The following INAVA variants were observed in gnomAD, a reference collection of about 807,000 sequenced individuals.
INAVA encodes innate immunity activator protein.
In INAVA, 32 loss-of-function variants were observed where a neutral mutation model predicts 55.3. The ratio of observed to expected loss-of-function variants is 0.58; its 90% CI spans 0.44 to 0.78. The LOEUF (loss-of-function observed/expected upper bound fraction) is 0.78, where lower values mean the gene tolerates loss of function less well. Ranked by LOEUF, INAVA falls within the 30% of genes least tolerant of loss-of-function variation. INAVA has a pLI of 0.00. For synonymous variants in INAVA, 294 were observed against 329.4 expected, an observed-to-expected ratio of 0.89 and a Z score of 1.16; for missense variants, 756 against 786.4, an observed-to-expected ratio of 0.96 and a Z score of 0.46.
chr1:200,909,900 T>G (rs547655076), intron 8 of INAVA, among the ~76,000 whole-genome samples: 19 of 152,182 alleles, frequency 1.2e-4, no homozygotes, highest in Non-Finnish European at 2.4e-4. Context: ...TAACCTTATG[T>G]TATGTGAGTT....
chr1:200,902,871 T>C (rs1010034157), intron 5 of INAVA: 3 of 152,194 alleles, frequency 2.0e-5, no homozygotes, highest in Non-Finnish European at 4.4e-5. Context: ...ATGCTTCTTG[T>C]TGGGAGTCGG....
At chr1:200,911,400 C>T (rs1234523593) in intron 8 of INAVA, 53 bp from the exon 9 acceptor site, 16 of 1,511,050 alleles carry the variant, frequency 1.1e-5, no homozygotes, top group Non-Finnish European at 9.1e-6. Context: ...GCCCCAACCC[C>T]AGTGTGGAGT....
intron 1 of INAVA, among the ~76,000 whole-genome samples, chr1:200,895,427 C>G (rs947021674): frequency 6.6e-6 from 1 of 152,084 alleles, no homozygotes; most frequent in Admixed American, 6.5e-5. Context: ...CCCTCTGTGC[C>G]CCTTCTGGTC....
At chr1:200,892,277 C>A (rs1478446546), upstream of INAVA, among the ~76,000 whole-genome samples, 1 of 152,108 alleles carries the variant, frequency 6.6e-6, no homozygotes, top group African/African-American at 2.4e-5. Context: ...TTCCTTAATT[C>A]TTGAAGTAAG....
Position 200,908,831 on chromosome 1 carries a change from GCT to G in INAVA, c.677_678del (p.Ala226GlyfsTer23). 1 of 1,614,014 alleles carries G rather than the reference GCT, an allele frequency of 6.2e-7. No homozygotes were observed. The highest frequency in any genetic ancestry group is 2.2e-5 in the East Asian group (1 of 44,870). On this transcript the variant is annotated frameshift_variant, in exon 7 of 10. Transcript: ENST00000413687. LOFTEE classifies it high-confidence loss of function. ...GGGTCTGCAGCCAACAGGACCTGAGGCTGGGAGCCCAGAACGGGCTCCAGTCC... is the reference window on the plus strand; with the variant it reads ...GGGTCTGCAGCCAACAGGACCTGAGGGGGAGCCCAGAACGGGCTCCAGTCC... The part of the protein sequence containing the change: ...LEGLQPTGPE[A>X]GSPERAPVQN...
chr1:200,893,614 T>C (rs1042253136), upstream of INAVA, among the ~76,000 whole-genome samples: 1 of 152,084 alleles, frequency 6.6e-6, no homozygotes, highest in Non-Finnish European at 1.5e-5. Context: ...GAGGAAGAAC[T>C]GTCCCCTCTT....
At chr1:200,911,416 C>A in intron 8 of INAVA, 37 bp from the exon 9 acceptor site, 3 of 1,560,764 alleles carry the variant, frequency 1.9e-6, no homozygotes, top group Non-Finnish European at 1.8e-6. Flanking sequence ...GGAGTTTCTG[C>A]CCCCCACACT....
intron 1 of INAVA, among the ~76,000 whole-genome samples, chr1:200,895,329 G>A (rs1339314741): frequency 1.3e-5 from 2 of 152,060 alleles, no homozygotes; most frequent in Non-Finnish European, 2.9e-5. Flanking sequence ...AGGCAGGCCT[G>A]AGACCTGGCT....
chr1:200,911,619 G>A lies in INAVA; in HGVS notation c.1126G>A (p.Val376Ile). ...CTGCTCAGAAGACAGTGGCTCTGAC[G>A]TCTCCAGCATCTCCCACCCCACTTC... ...HSCSEDSGSD[V>I]SSISHPTSPG... Residue 376 changes from valine to isoleucine, a missense_variant, in exon 9 of 10, where the codon GTC (valine) becomes ATC (isoleucine). By Grantham distance (29) the Val-to-Ile change is conservative (BLOSUM62 3). Transcript: ENST00000413687. 1.9e-6 allele frequency: 3 copies of A among 1,613,976 alleles called. No individual in the cohort carries two copies. The highest frequency in any genetic ancestry group is 2.2e-5 in the South Asian group (2 of 91,074).
At chr1:200,897,015 C>G (rs1668367654) in intron 1 of INAVA, among the ~76,000 whole-genome samples, 3 of 152,258 alleles carry the variant, frequency 2.0e-5, no homozygotes, top group African/African-American at 7.2e-5. Flanking sequence ...CCTCCCACCC[C>G]TGCTGCAGCC....
rs201920390 is a variant in INAVA, at chr1:200,909,226, G to T, written c.788G>T (p.Ser263Ile). ...ACCTGTCTCTAATCCTTTTGCAGCA[G>T]CCCAGCCACCACACCACAGGATGGG... is the stretch of plus-strand genomic sequence containing the variant. The part of the protein sequence containing the change: ...KSSEPWSESS[S>I]PATTPQDGPS... The change falls in exon 8 of 10, where the codon AGC becomes ATC. Residue 263 changes from serine (S) to isoleucine (I), a missense_variant and splice_region_variant. By Grantham distance (142) the Ser-to-Ile change is moderately radical (BLOSUM62 -2). Coordinates refer to ENST00000413687, the MANE Select transcript of INAVA (RefSeq NM_001142569.3). 8.0e-6 allele frequency: 12 copies of T among 1,508,106 alleles called. No individual in the cohort carries two copies. In the Admixed American group the frequency reaches 2.6e-4, roughly 33 times the overall value. 93.4% of individuals were successfully genotyped at this position (1,508,106 alleles called of 1,614,324 possible).
rs374168859 is a variant in INAVA at position 200,898,268 on chromosome 1, A to G, written c.-94-39A>G. 41 of 1,597,480 alleles carry G rather than the reference A, an allele frequency of 2.6e-5. 1 individual carries two copies. The highest frequency in any genetic ancestry group is 1.5e-4 in the South Asian group (13 of 88,612). ...GCTTTTTGTAACCAAGATGGTTCAT[A>G]TCTAGCTTTTTTGTTATTGTTCTCT... On this transcript the variant is annotated intron_variant, in intron 1 of 9. Transcript: ENST00000413687.
chr1:200,898,492 A>AGTCCCTG (rs748309686), intron 2 of INAVA, 37 bp downstream of exon 2: 13 of 1,607,892 alleles, frequency 8.1e-6, no homozygotes, highest in East Asian at 2.2e-5. Context: ...CCTAGTCCCT[A>AGTCCCTG]GTCCCTGGTC....
In INAVA at chr1:200,907,747, GC is replaced by G; in HGVS notation, c.521-85del. 2.8e-6 allele frequency: 3 copies of G among 1,059,614 alleles called. No homozygotes were observed. The Admixed American group carries it at 5.4e-5, about 19-fold the overall frequency. 65.6% of individuals were successfully genotyped at this position (1,059,614 alleles called of 1,614,324 possible). A position where few individuals can be genotyped will look rare whatever the true frequency, so the allele number is the denominator to read the frequency against. On this transcript the variant is annotated intron_variant, in intron 5 of 9. Coordinates refer to ENST00000413687, the MANE Select transcript of INAVA (RefSeq NM_001142569.3). ...GATGCTGTCCTGGGGGAGTGATCAG[GC>G]CTGAGCTGCTCAGCACTGCTGGTTA...
upstream of INAVA, among the ~76,000 whole-genome samples, chr1:200,892,725 T>G (rs1558224929): frequency 6.6e-6 from 1 of 152,088 alleles, no homozygotes; most frequent in South Asian, 2.1e-4. Flanking sequence ...CCTCCCCCAT[T>G]GGTATTTTGA....
intron 8 of INAVA, 139 bp downstream of exon 8, chr1:200,909,536 G>A (rs2102314444): frequency 1.3e-6 from 1 of 745,216 alleles, no homozygotes. Flanking sequence ...TCTCTTCTTG[G>A]GGCGCCTCTT....
At chr1:200,900,873 G>A (rs1387520742) in intron 4 of INAVA, 64 bp from the exon 5 acceptor site, 4 of 1,314,346 alleles carry the variant, frequency 3.0e-6, no homozygotes, top group Admixed American at 4.8e-5. Flanking sequence ...CAGGGCTGCT[G>A]TCCACCCTCT....
intron 2 of INAVA, among the ~76,000 whole-genome samples, 160 bp downstream of exon 2, chr1:200,898,615 G>A (rs540810698): frequency 3.9e-4 from 60 of 152,326 alleles, no homozygotes; most frequent in Admixed American, 1.2e-3. Flanking sequence ...GCTGGGAGGA[G>A]GGGGAGGTTC....
chr1:200,913,176 C>G (rs542354153), intron 9 of INAVA, among the ~76,000 whole-genome samples: 5 of 152,308 alleles, frequency 3.3e-5, no homozygotes, highest in South Asian at 2.1e-4. Flanking sequence ...GAGGCCGCGC[C>G]CTCCAGCTGA....
Sources: allele counts gnomAD v4.1 joint callset (sites outside exome capture counted in the v4.1 genomes callset), GRCh38; gene constraint gnomAD v4.1.1; transcripts MANE v1.5; gene names NCBI Gene and HGNC (gene_info 2026-07-23, HGNC 2026-07-21).